Variants in SDCCAG8 observed in about 807,000 individuals in gnomAD.
SDCCAG8 encodes SHH signaling and ciliogenesis regulator SDCCAG8.
SDCCAG8 carries 74 observed loss-of-function variants against 101.8 expected under a neutral mutation model. That is an observed-to-expected ratio of 0.73 (90% CI 0.60 to 0.88). The LOEUF is 0.88. Ranked by LOEUF, SDCCAG8 falls within the 40% of genes least tolerant of loss-of-function variation. The pLI is 0.00. For synonymous variants in SDCCAG8, 281 were observed against 292.9 expected, an observed-to-expected ratio of 0.96 and a Z score of 0.41; for missense variants, 787 against 822.6, an observed-to-expected ratio of 0.96 and a Z score of 0.53.
chr1:243,412,761 C>G (rs944180392), intron 13 of SDCCAG8, among the ~76,000 whole-genome samples: 2 of 152,042 alleles, frequency 1.3e-5, no homozygotes, highest in African/African-American at 4.8e-5. Flanking sequence ...CATTTTAATC[C>G]TACCTCTGCC....
intron 12 of SDCCAG8, among the ~76,000 whole-genome samples, chr1:243,367,291 GA>G (rs1422594942): frequency 6.6e-6 from 1 of 152,012 alleles, no homozygotes; most frequent in Non-Finnish European, 1.5e-5. Context: ...TGTCCCACCA[GA>G]AAAGATTGTT....
At chr1:243,492,295 CTTTTTTTTTTT>C (rs33950392) in intron 17 of SDCCAG8, among the ~76,000 whole-genome samples, 2 of 63,124 alleles carry the variant, frequency 3.2e-5, no homozygotes, top group African/African-American at 1.3e-4. Flanking sequence ...CGTTTCTTGG[CTTTTTTTTTTT>C]TTTTTTTTTT....
At chr1:243,484,117 C>G (rs1193881016) in intron 16 of SDCCAG8, among the ~76,000 whole-genome samples, 1 of 152,280 alleles carries the variant, frequency 6.6e-6, no homozygotes, top group Non-Finnish European at 1.5e-5. Context: ...CCCAGAACGT[C>G]TCTTCTACGC....
chr1:243,282,472 A>G (rs1489718776), intron 4 of SDCCAG8, among the ~76,000 whole-genome samples: 4 of 152,140 alleles, frequency 2.6e-5, no homozygotes, highest in Non-Finnish European at 5.9e-5. Context: ...ATAAGAAAAT[A>G]TTTTATCTTA....
rs1266634614 is a variant in SDCCAG8 at position 243,470,535 on chromosome 1, GGAAGCAGCCCGT to G, written c.1986-18477_1986-18466del. On this transcript the variant is annotated intron_variant, in intron 16 of 17. Coordinates refer to ENST00000366541, the MANE Select transcript of SDCCAG8 (RefSeq NM_006642.5). Reference sequence around the variant, plus strand: ...TGTCTCACTGGGGGCTGGATTCCAAGGAAGCAGCCCGTGCACTCACAGGCCAGGGGAGCCAGG... The same window carrying G: ...TGTCTCACTGGGGGCTGGATTCCAAGGCACTCACAGGCCAGGGGAGCCAGG... Among the ~76,000 whole-genome samples the G allele has an allele frequency of 1.5e-4, 23 of 150,636 alleles. No individual in the cohort carries two copies. The East Asian group carries it at 4.5e-3, about 29-fold the overall frequency.
At chr1:243,275,393 A>G (rs2068456360) in intron 4 of SDCCAG8, among the ~76,000 whole-genome samples, 1 of 151,310 alleles carries the variant, frequency 6.6e-6, no homozygotes, top group Non-Finnish European at 1.5e-5. Flanking sequence ...GTTTTTATAT[A>G]TAGTATATGA....
intron 9 of SDCCAG8, among the ~76,000 whole-genome samples, chr1:243,323,711 TA>T (rs1444104066): frequency 1.3e-5 from 2 of 152,182 alleles, no homozygotes; most frequent in Non-Finnish European, 2.9e-5. Context: ...GAACAAACTG[TA>T]GCCTGATTTT....
intron 9 of SDCCAG8, among the ~76,000 whole-genome samples, chr1:243,327,082 A>G (rs528179551): frequency 2.0e-5 from 3 of 152,066 alleles, no homozygotes; most frequent in Non-Finnish European, 2.9e-5. Flanking sequence ...TAATTCCCCA[A>G]CTTCTCAAGA....
chr1:243,387,923 C>A (rs1451764955), intron 13 of SDCCAG8, among the ~76,000 whole-genome samples: 1 of 152,096 alleles, frequency 6.6e-6, no homozygotes, highest in Non-Finnish European at 1.5e-5. Context: ...ACCATGTTGG[C>A]CAGACTGGTC....
intron 13 of SDCCAG8, among the ~76,000 whole-genome samples, chr1:243,380,939 G>GT (rs1222558147): frequency 1.3e-5 from 2 of 151,530 alleles, no homozygotes; most frequent in Middle Eastern, 3.4e-3. Flanking sequence ...GTACTTTTTT[G>GT]TTTTTTTGGT....
intron 15 of SDCCAG8, among the ~76,000 whole-genome samples, chr1:243,422,461 A>C (rs2081075683): frequency 6.6e-6 from 1 of 152,204 alleles, no homozygotes; most frequent in Non-Finnish European, 1.5e-5. Flanking sequence ...ATATTTTAAC[A>C]CTATACTTTA....
chr1:243,349,564 A>G lies in SDCCAG8; in HGVS notation c.1473+5233A>G, dbSNP rs142095958. ...AGGATGCTGAGCTTTGAGTTTGAAG[A>G]CCCATGTATCTTAAATAATAACAAT... On this transcript the variant is annotated intron_variant, in intron 12 of 17. Coordinates refer to ENST00000366541, the MANE Select transcript of SDCCAG8 (RefSeq NM_006642.5). Among the ~76,000 whole-genome samples, 158 of 152,298 alleles carry G rather than the reference A, an allele frequency of 1.0e-3. 2 individuals are homozygous for G. The highest frequency in any genetic ancestry group is 1.7e-3 in the East Asian group (9 of 5,178).
At chr1:243,298,431 C>T (rs2071178298) in intron 6 of SDCCAG8, among the ~76,000 whole-genome samples, 2 of 141,592 alleles carry the variant, frequency 1.4e-5, no homozygotes, top group South Asian at 2.4e-4. Flanking sequence ...AATCTCAGCT[C>T]ACTGCAGCCT....
At chr1:243,263,113 A>AATTACACCACTT (rs1294361314) in intron 1 of SDCCAG8, among the ~76,000 whole-genome samples, 3 of 152,242 alleles carry the variant, frequency 2.0e-5, no homozygotes, top group Admixed American at 6.5e-5. Flanking sequence ...AAGAGGCGGC[A>AATTACACCACTT]ACACTTACAA....
chr1:243,356,252 A>G (rs2076372694), intron 12 of SDCCAG8, among the ~76,000 whole-genome samples: 1 of 152,154 alleles, frequency 6.6e-6, no homozygotes, highest in South Asian at 2.1e-4. Context: ...ATTAATCTAT[A>G]ACCTTACTGT....
chr1:243,307,348 T>C, intron 7 of SDCCAG8: 2 of 953,776 alleles, frequency 2.1e-6, no homozygotes, highest in Non-Finnish European at 2.4e-6. Flanking sequence ...ACCCCTGAAA[T>C]CTTATGACTG....
At chr1:243,393,301 G>C (rs2078825859) in intron 13 of SDCCAG8, among the ~76,000 whole-genome samples, 1 of 152,086 alleles carries the variant, frequency 6.6e-6, no homozygotes, top group African/African-American at 2.4e-5. Flanking sequence ...GTGTAGAACA[G>C]ATGGCACCGA....
At chr1:243,490,263 C>T (rs1666074815) in intron 17 of SDCCAG8, among the ~76,000 whole-genome samples, 3 of 152,236 alleles carry the variant, frequency 2.0e-5, no homozygotes, top group Admixed American at 1.3e-4. Context: ...GAGCTAAGGC[C>T]TGGAGGTGGA....
chr1:243,352,060 T>C (rs934182696), intron 12 of SDCCAG8, among the ~76,000 whole-genome samples: 4 of 152,200 alleles, frequency 2.6e-5, no homozygotes, highest in Non-Finnish European at 5.9e-5. Context: ...ATTAACATGC[T>C]CAAAAAAAGA....
Sources: gnomAD v4.1 joint callset for allele counts (sites outside exome capture counted in the v4.1 genomes callset) on GRCh38, gnomAD v4.1.1 for gene constraint, MANE v1.5 for transcripts, NCBI Gene and HGNC (gene_info 2026-07-23, HGNC 2026-07-21) for gene names.